The following ZZEF1 variants were observed in gnomAD, a reference collection of about 807,000 sequenced individuals.
ZZEF1 encodes the protein zinc finger ZZ-type and EF-hand domain-containing protein 1.
Under a neutral mutation model 342.8 loss-of-function variants are expected in ZZEF1, and 157 were observed. That is an observed-to-expected ratio of 0.46 (90% CI 0.40 to 0.52). ZZEF1 has a LOEUF of 0.52. ZZEF1 is among the 20% of genes least tolerant of loss of function. The pLI, the probability that ZZEF1 is intolerant of heterozygous loss-of-function variation, is 0.00. For missense variants in ZZEF1, 3,480 were observed against 3,725.6 expected (o/e 0.93, Z 1.72); for synonymous variants, 1,505 against 1,429.1 (o/e 1.05, Z -1.20).
At chr17:4,020,976 A>AT (rs2056253811) in intron 45 of ZZEF1, among the ~76,000 whole-genome samples, 153 bp downstream of exon 45, 1 of 152,238 alleles carries the variant, frequency 6.6e-6, no homozygotes, top group African/African-American at 2.4e-5. Flanking sequence ...TTCTGGATCA[A>AT]TTCTGCACAA....
At chr17:4,067,072 A>G in intron 27 of ZZEF1, 91 bp downstream of exon 27, 1 of 1,089,154 alleles carries the variant, frequency 9.2e-7, no homozygotes, top group Non-Finnish European at 1.3e-6. Context: ...CTAAAGCTAT[A>G]TTCTTGAGAA....
At chr17:4,034,868 C>T (rs1252694383) in intron 39 of ZZEF1, among the ~76,000 whole-genome samples, 2 of 152,010 alleles carry the variant, frequency 1.3e-5, no homozygotes, top group East Asian at 1.9e-4. Flanking sequence ...CATAGTGGTA[C>T]GTGCCTGTAG....
rs771460830 is a variant in ZZEF1 at position 4,109,715 on chromosome 17, A to C, written c.1215T>G (p.Ser405=). Residue 405 remains serine, a synonymous_variant, in exon 6 of 55, where the codon TCT becomes TCG. Coordinates refer to ENST00000381638, the MANE Select transcript of ZZEF1 (RefSeq NM_015113.4). Reference sequence around the variant, plus strand: ...TTGTCTCCATAGAAGCCGTCACCAGAGATGTCAGCAGAGACCAATACCATA... The same window carrying C: ...TTGTCTCCATAGAAGCCGTCACCAGCGATGTCAGCAGAGACCAATACCATA... ...SAIWYWSLLT[S]LVTASMETNP... The C allele has an allele frequency of 1.2e-6, 2 of 1,614,186 alleles. No homozygotes were observed. Among genetic ancestry groups the C allele is most frequent in the South Asian group, 2.2e-5 (2 of 91,082 alleles).
intron 6 of ZZEF1, among the ~76,000 whole-genome samples, chr17:4,107,676 C>T (rs551288423): frequency 6.6e-6 from 1 of 152,182 alleles, no homozygotes; most frequent in Middle Eastern, 3.4e-3. Flanking sequence ...TACATAGAGG[C>T]GAACTGAGTA....
At chr17:4,123,595 T>C (rs924511009) in intron 2 of ZZEF1, among the ~76,000 whole-genome samples, 5 of 151,958 alleles carry the variant, frequency 3.3e-5, no homozygotes, top group African/African-American at 4.8e-5. Context: ...GGTAATATGT[T>C]GCAAAAAAGA....
At position 4,032,558 on chromosome 17, in the gene ZZEF1, C is replaced by A. The variant is rs553477402; in HGVS notation, c.6759+270G>T. On this transcript the variant is annotated intron_variant, in intron 41 of 54. Transcript: ENST00000381638. ...ATGAAAGACAATTTTCTTTGAAGTT[C>A]TTTGTAATCTGATATATTACAGTCA... Among the ~76,000 whole-genome samples, 3 of 152,332 alleles carry A rather than the reference C, an allele frequency of 2.0e-5. No individual in the cohort carries two copies. The South Asian group carries it at 6.2e-4, about 32-fold the overall frequency.
At chr17:4,113,227 T>C (rs2058342461) in intron 4 of ZZEF1, among the ~76,000 whole-genome samples, 1 of 152,210 alleles carries the variant, frequency 6.6e-6, no homozygotes, top group South Asian at 2.1e-4. Context: ...ATTCTACCAA[T>C]TGGAATTAGC....
At chr17:4,062,113 C>G (rs893115176) in intron 30 of ZZEF1, among the ~76,000 whole-genome samples, 6 of 152,076 alleles carry the variant, frequency 3.9e-5, no homozygotes, top group Non-Finnish European at 8.8e-5. Context: ...ACTAACTCCC[C>G]CCCTGGAGCC....
At position 4,006,840 on chromosome 17, in the gene ZZEF1, C is replaced by G. The variant is rs879008107; in HGVS notation, c.*50G>C. The G allele has an allele frequency of 7.1e-6, 11 of 1,544,520 alleles. No individual in the cohort carries two copies. The South Asian group carries it at 1.2e-4, about 17-fold the overall frequency. ...TCCTGAATGAGGTTAGATGTCTGCT[C>G]TAAAATCCCTGTGGCAGATGAACTA... On this transcript the variant is annotated 3_prime_UTR_variant, in exon 55 of 55. Coordinates refer to ENST00000381638, the MANE Select transcript of ZZEF1 (RefSeq NM_015113.4).
intron 1 of ZZEF1, among the ~76,000 whole-genome samples, chr17:4,134,406 GT>G (rs1164252420): frequency 6.7e-6 from 1 of 149,564 alleles, no homozygotes; most frequent in Non-Finnish European, 1.5e-5. Flanking sequence ...CTGATCCTGT[GT>G]TTGGCTCTGT....
In ZZEF1 at chr17:4,119,230, C is replaced by T. The variant is rs114037841; in HGVS notation, c.500-2064G>A. 5.7e-3 allele frequency among the ~76,000 whole-genome samples: 875 copies of T among 152,314 alleles called. 9 individuals are homozygous for T. Among genetic ancestry groups the T allele is most frequent in the African/African-American group, 0.02 (841 of 41,572 alleles). On this transcript the variant is annotated intron_variant, in intron 2 of 54. Transcript: ENST00000381638. The stretch of plus-strand genomic sequence containing the variant: ...CGGAGTCACCACTTGGTTAAGCTTA[C>T]GATAATCCACTGACATCCTCCAATA...
rs1169616876 is a variant in ZZEF1, at chr17:4,049,792, T to C, written c.5931A>G (p.Leu1977=). Residue 1977 remains leucine (L), a synonymous_variant, in exon 37 of 55, where the codon CTA becomes CTG. Coordinates refer to ENST00000381638, the MANE Select transcript of ZZEF1 (RefSeq NM_015113.4). ...ACGCTCCGGTGGGCACAGTGACTGG[T>C]AGGGCCTGATCTTCTAGGCTCGAGT... ...DGDSSLEDQA[L]PVTVPTGASE... 2 of 1,614,034 alleles carry C rather than the reference T, an allele frequency of 1.2e-6. No individual in the cohort carries two copies. The highest frequency in any genetic ancestry group is 3.3e-5 in the Admixed American group (2 of 59,996).
Position 4,142,661 on chromosome 17 carries a change from C to T in ZZEF1, c.235G>A (p.Ala79Thr). 1 of 1,607,454 alleles carries T rather than the reference C, an allele frequency of 6.2e-7. No individual in the cohort carries two copies. The highest frequency in any genetic ancestry group is 8.5e-7 in the Non-Finnish European group (1 of 1,179,712). ...CGCTCTTCCAGCCAGCGAAACAACG[C>T]GCCGCGATGCCTCGACACCAGCGAC... ...CESLVSRHRG[A>T]LFRWLEERLG... The change falls in exon 1 of 55, where the codon GCG (alanine) becomes ACG (threonine). Residue 79 changes from alanine (A) to threonine (T), a missense_variant. Ala to Thr is a moderately conservative substitution (Grantham distance 58). This residue lies in a region of ZZEF1 where 416 missense variants were observed against 374.2 expected (regional missense o/e 1.11). Transcript: ENST00000381638.
chr17:4,004,568 A>G lies in ZZEF1; in HGVS notation c.*2322T>C, dbSNP rs751984970. On this transcript the variant is annotated 3_prime_UTR_variant, in exon 55 of 55. Coordinates refer to ENST00000381638, the MANE Select transcript of ZZEF1 (RefSeq NM_015113.4). Reference sequence around the variant, plus strand: ...ATAGAATCAAAATTCTTTCAACCAAATAAGAAAAATTCAAAATCGTAAACC... The same window carrying G: ...ATAGAATCAAAATTCTTTCAACCAAGTAAGAAAAATTCAAAATCGTAAACC... The G allele has an allele frequency of 2.0e-5, 3 of 152,620 alleles. No individual in the cohort carries two copies. The highest frequency in any genetic ancestry group is 2.9e-5 in the Non-Finnish European group (2 of 68,044). 9.5% of individuals were successfully genotyped at this position (152,620 alleles called of 1,614,324 possible). A position where few individuals can be genotyped will look rare whatever the true frequency, so the allele number is the denominator to read the frequency against.
chr17:4,040,126 C>T (rs1567785335), intron 39 of ZZEF1, among the ~76,000 whole-genome samples: 1 of 152,152 alleles, frequency 6.6e-6, no homozygotes, highest in African/African-American at 2.4e-5. Context: ...TGGTGGAAGA[C>T]TATGCAGCAA....
rs1396555141 is a variant in ZZEF1 at position 4,070,668 on chromosome 17, C to T, written c.4075+16G>A. On this transcript the variant is annotated intron_variant, in intron 26 of 54. Transcript: ENST00000381638. ...ATTAGCCTTCAGATCAAAAATATTC[C>T]CTGTAATAAAGTTACCATATTTTTG... is the stretch of plus-strand genomic sequence containing the variant. The T allele has an allele frequency of 1.2e-6, 2 of 1,606,178 alleles. No individual in the cohort carries two copies. The highest frequency in any genetic ancestry group is 1.7e-6 in the Non-Finnish European group (2 of 1,175,528).
intron 38 of ZZEF1, 61 bp from the exon 39 acceptor site, chr17:4,042,629 TAAACCACTGCACTGTCC>T: frequency 6.5e-7 from 1 of 1,543,000 alleles, no homozygotes; most frequent in Non-Finnish European, 8.9e-7. Flanking sequence ...AAGAGGCAAG[TAAACCACTGCACTGTCC>T]CCTGTGCTGC....
chr17:4,041,315 AC>A (rs1250961054), intron 39 of ZZEF1, among the ~76,000 whole-genome samples: 3 of 152,120 alleles, frequency 2.0e-5, no homozygotes, highest in African/African-American at 7.2e-5. Context: ...TTCCTGCCAG[AC>A]GCATACCCCT....
intron 5 of ZZEF1, among the ~76,000 whole-genome samples, chr17:4,110,699 A>C (rs941787134): frequency 1.3e-5 from 2 of 151,710 alleles, no homozygotes; most frequent in Non-Finnish European, 2.9e-5. Context: ...GGGGTGGGTT[A>C]AAATTACGGC....
Sources: allele counts gnomAD v4.1 joint callset (sites outside exome capture counted in the v4.1 genomes callset), GRCh38; gene constraint gnomAD v4.1.1; regional missense constraint gnomAD v4.1.1; transcripts MANE v1.5; gene names NCBI Gene and HGNC (gene_info 2026-07-23, HGNC 2026-07-21).